The following ANTXR2 variants were observed in gnomAD, a reference collection of about 807,000 sequenced individuals.
ANTXR2 encodes the protein anthrax toxin receptor 2.
Under a neutral mutation model 73.7 loss-of-function variants are expected in ANTXR2, and 44 were observed. The ratio of observed to expected loss-of-function variants is 0.60; its 90% CI spans 0.47 to 0.77. The LOEUF is 0.77. Ranked by LOEUF, ANTXR2 falls within the 30% of genes least tolerant of loss-of-function variation. The pLI is 0.00. For missense variants in ANTXR2, 604 were observed against 592.5 expected (o/e 1.02, Z -0.20); for synonymous variants, 217 against 205.9 (o/e 1.05, Z -0.46).
At position 80,055,968 on chromosome 4, in the gene ANTXR2, T is replaced by C; in HGVS notation, c.342A>G (p.Pro114=). 1 of 1,570,520 alleles carries C rather than the reference T, an allele frequency of 6.4e-7. No homozygotes were observed. Among genetic ancestry groups the C allele is most frequent in the Non-Finnish European group, 8.6e-7 (1 of 1,158,210 alleles). Residue 114 remains proline (P), a synonymous_variant, in exon 4 of 17, where the codon CCA becomes CCG. Coordinates refer to ENST00000403729, the MANE Select transcript of ANTXR2 (RefSeq NM_058172.6). Reference sequence around the variant, plus strand: ...CTTCATGGATATATGTCTCTCCTACTGGACTAACACGTTTTAAATCCTCCA... The same window carrying C: ...CTTCATGGATATATGTCTCTCCTACCGGACTAACACGTTTTAAATCCTCCA... ...KGLEDLKRVS[P]VGETYIHEGL... is the part of the protein sequence containing the mutation.
At chr4:79,933,063 G>A (rs1378262915) in intron 16 of ANTXR2, among the ~76,000 whole-genome samples, 1 of 152,050 alleles carries the variant, frequency 6.6e-6, no homozygotes, top group African/African-American at 2.4e-5. Context: ...AATCCTTGCT[G>A]CATTAGTTAT....
At chr4:79,982,103 CA>C (rs1729916928) in intron 14 of ANTXR2, among the ~76,000 whole-genome samples, 1 of 152,028 alleles carries the variant, frequency 6.6e-6, no homozygotes, top group Admixed American at 6.6e-5. Context: ...ATTGAACTAA[CA>C]AAAATCTGAC....
At chr4:80,009,962 T>C (rs572043012) in intron 11 of ANTXR2, among the ~76,000 whole-genome samples, 10 of 151,602 alleles carry the variant, frequency 6.6e-5, no homozygotes, top group African/African-American at 2.4e-4. Flanking sequence ...GAACTTTTAC[T>C]GTACAAACAG....
chr4:79,944,377 GTTATAC>G (rs1728436910), intron 16 of ANTXR2, among the ~76,000 whole-genome samples: 1 of 127,878 alleles, frequency 7.8e-6, no homozygotes, highest in South Asian at 2.9e-4. Flanking sequence ...AATTATTACT[GTTATAC>G]TTATTAAAAA....
At chr4:79,985,076 C>A (rs1036911571) in intron 12 of ANTXR2, among the ~76,000 whole-genome samples, 1 of 151,924 alleles carries the variant, frequency 6.6e-6, no homozygotes, top group Middle Eastern at 3.2e-3. Context: ...GGGCCAGGTG[C>A]GGTCGCTCAT....
chr4:79,961,718 G>A (rs549232389), intron 16 of ANTXR2, among the ~76,000 whole-genome samples: 2 of 152,276 alleles, frequency 1.3e-5, no homozygotes, highest in South Asian at 4.1e-4. Flanking sequence ...GGGATTGCAG[G>A]TGTGAGCCCC....
At chr4:79,945,203 C>CT (rs1728473385) in intron 16 of ANTXR2, among the ~76,000 whole-genome samples, 1 of 151,772 alleles carries the variant, frequency 6.6e-6, no homozygotes, top group South Asian at 2.1e-4. Context: ...TAGAAGAACA[C>CT]TAAGTAGGTT....
intron 7 of ANTXR2, among the ~76,000 whole-genome samples, chr4:80,039,664 G>T (rs970022254): frequency 6.6e-6 from 1 of 152,128 alleles, no homozygotes; most frequent in African/African-American, 2.4e-5. Flanking sequence ...GGAAAAAAGG[G>T]AATGTTTATA....
chr4:79,987,679 A>G (rs28830602), intron 12 of ANTXR2, among the ~76,000 whole-genome samples: 87,774 of 152,044 alleles, frequency 0.58, 27,521 homozygotes, highest in East Asian at 0.92. Flanking sequence ...GATTCTCCAA[A>G]GTCAACGCAA....
At chr4:79,949,168 GA>G (rs1230119138) in intron 16 of ANTXR2, among the ~76,000 whole-genome samples, 4 of 152,200 alleles carry the variant, frequency 2.6e-5, no homozygotes, top group Middle Eastern at 3.4e-3. Context: ...TATAAAAAAG[GA>G]AAGACAGAGG....
chr4:80,031,174 T>C (rs1203969493), intron 10 of ANTXR2, among the ~76,000 whole-genome samples: 1 of 151,990 alleles, frequency 6.6e-6, no homozygotes, highest in Non-Finnish European at 1.5e-5. Context: ...TGTGCCTTTT[T>C]TTAGCCATGT....
chr4:80,021,761 G>T (rs543157354), intron 10 of ANTXR2, among the ~76,000 whole-genome samples: 49 of 151,746 alleles, frequency 3.2e-4, no homozygotes, highest in African/African-American at 1.1e-3. Context: ...TAATGTGGCT[G>T]GTGTAAAAAA....
chr4:79,951,511 G>A (rs1728707397), intron 16 of ANTXR2, among the ~76,000 whole-genome samples: 1 of 152,040 alleles, frequency 6.6e-6, no homozygotes, highest in Admixed American at 6.6e-5. Flanking sequence ...GGGAGGCGGA[G>A]GTTGCAGTGA....
chr4:80,054,512 C>G (rs190885258), intron 6 of ANTXR2, among the ~76,000 whole-genome samples, 160 bp from the exon 7 acceptor site: 1 of 151,718 alleles, frequency 6.6e-6, no homozygotes. Context: ...GGTGATGATA[C>G]TAGTGTTACT....
intron 3 of ANTXR2, among the ~76,000 whole-genome samples, chr4:80,065,093 A>C (rs1446705141): frequency 6.6e-6 from 1 of 152,208 alleles, no homozygotes; most frequent in Non-Finnish European, 1.5e-5. Context: ...TAAGTGAAGC[A>C]ATGCATGGAA....
At chr4:80,066,991 A>G (rs1325924776) in intron 3 of ANTXR2, among the ~76,000 whole-genome samples, 1 of 151,984 alleles carries the variant, frequency 6.6e-6, no homozygotes, top group Non-Finnish European at 1.5e-5. Context: ...AGGTCAGGAG[A>G]TCAGGAGATC....
At chr4:79,973,138 GAAGT>G (rs1729494128) in intron 16 of ANTXR2, among the ~76,000 whole-genome samples, 1 of 151,960 alleles carries the variant, frequency 6.6e-6, no homozygotes, top group African/African-American at 2.4e-5. Context: ...GGGAGGAAGG[GAAGT>G]AAGATAGCAC....
At chr4:79,914,308 G>T (rs1187295216) in intron 16 of ANTXR2, among the ~76,000 whole-genome samples, 1 of 152,068 alleles carries the variant, frequency 6.6e-6, no homozygotes, top group Non-Finnish European at 1.5e-5. Flanking sequence ...TGTCCTAAAA[G>T]CAATTGCTAG....
At chr4:80,018,042 T>C (rs1382577197) in intron 11 of ANTXR2, among the ~76,000 whole-genome samples, 9 of 152,214 alleles carry the variant, frequency 5.9e-5, no homozygotes, top group Non-Finnish European at 8.8e-5. Context: ...TGTTTTGTTT[T>C]GTTTTCTGTT....
Sources: allele counts gnomAD v4.1 joint callset (sites outside exome capture counted in the v4.1 genomes callset), GRCh38; gene constraint gnomAD v4.1.1; transcripts MANE v1.5; gene names NCBI Gene and HGNC (gene_info 2026-07-23, HGNC 2026-07-21).